PIK3AP1: variants seen among roughly 807,000 people sequenced by gnomAD.
PIK3AP1 encodes phosphoinositide-3-kinase adaptor protein 1.
A neutral mutation model predicts 88.1 loss-of-function variants in PIK3AP1; 21 were observed. That is an observed-to-expected ratio of 0.24 (90% CI 0.17 to 0.34). The LOEUF is 0.34. PIK3AP1 is among the 10% of genes least tolerant of loss of function. The pLI, the probability that PIK3AP1 is intolerant of heterozygous loss-of-function variation, is 1.00. For synonymous variants in PIK3AP1, 398 were observed against 400.0 expected, an observed-to-expected ratio of 1.00 and a Z score of 0.06; for missense variants, 828 against 1,035.7, an observed-to-expected ratio of 0.80 and a Z score of 2.75.
At chr10:96,717,355 AG>A (rs1451784902) in intron 1 of PIK3AP1, among the ~76,000 whole-genome samples, 3 of 152,008 alleles carry the variant, frequency 2.0e-5, no homozygotes. Context: ...TTCAGCCTAT[AG>A]GTGACTCTGG....
chr10:96,663,404 T>C (rs936690047), intron 2 of PIK3AP1, among the ~76,000 whole-genome samples: 2 of 151,718 alleles, frequency 1.3e-5, no homozygotes, highest in East Asian at 3.9e-4. Flanking sequence ...TTGAGGCAGG[T>C]GGATCACCTG....
At chr10:96,598,040 T>C (rs1356427686) in intron 16 of PIK3AP1, among the ~76,000 whole-genome samples, 61 of 118,150 alleles carry the variant, frequency 5.2e-4, no homozygotes, top group African/African-American at 1.6e-3. Context: ...TTTGTTTTTT[T>C]GTTGTTTTTT....
intron 6 of PIK3AP1, 110 bp downstream of exon 6, chr10:96,651,138 G>A: frequency 7.1e-7 from 1 of 1,404,590 alleles, no homozygotes; most frequent in Non-Finnish European, 9.9e-7. Flanking sequence ...TATAGAGAAG[G>A]GACCCAGAAG....
intron 2 of PIK3AP1, among the ~76,000 whole-genome samples, chr10:96,707,231 T>A (rs1844376309): frequency 6.6e-6 from 1 of 152,212 alleles, no homozygotes; most frequent in Non-Finnish European, 1.5e-5. Context: ...ACTGGACACA[T>A]CCAAACAATA....
intron 8 of PIK3AP1, among the ~76,000 whole-genome samples, chr10:96,644,994 A>G (rs578180323): frequency 4.5e-4 from 68 of 150,936 alleles, no homozygotes; most frequent in African/African-American, 1.6e-3. Flanking sequence ...TCTGCATCTG[A>G]CTCTTTTGTC....
intron 1 of PIK3AP1, among the ~76,000 whole-genome samples, chr10:96,717,768 T>C (rs1419744649): frequency 6.6e-6 from 1 of 152,144 alleles, no homozygotes; most frequent in African/African-American, 2.4e-5. Flanking sequence ...CTTTCCTCTC[T>C]CTCACGTGTA....
chr10:96,657,016 A>G, intron 2 of PIK3AP1, 82 bp from the exon 3 acceptor site: 1 of 1,430,652 alleles, frequency 7.0e-7, no homozygotes, highest in South Asian at 1.2e-5. Context: ...AGCCCCAAAT[A>G]TTGCAAAATA....
chr10:96,663,128 G>T (rs921211328), intron 2 of PIK3AP1, among the ~76,000 whole-genome samples: 1 of 152,022 alleles, frequency 6.6e-6, no homozygotes, highest in Non-Finnish European at 1.5e-5. Context: ...GGTTGCTTTG[G>T]GCTGGGGAGA....
At chr10:96,649,954 C>T (rs1198197047) in intron 6 of PIK3AP1, among the ~76,000 whole-genome samples, 6 of 152,122 alleles carry the variant, frequency 3.9e-5, no homozygotes, top group Admixed American at 2.0e-4. Context: ...TTTTCATAAA[C>T]GTTTATTTTT....
At chr10:96,612,108 G>A (rs1030938749) in intron 13 of PIK3AP1, among the ~76,000 whole-genome samples, 10 of 152,180 alleles carry the variant, frequency 6.6e-5, no homozygotes, top group African/African-American at 2.4e-4. Flanking sequence ...GAGGCACAGA[G>A]TGGTTAAAGG....
chr10:96,624,357 C>A (rs944750117), intron 10 of PIK3AP1, among the ~76,000 whole-genome samples: 2 of 152,182 alleles, frequency 1.3e-5, no homozygotes, highest in Admixed American at 1.3e-4. Context: ...TGCTAGTTAA[C>A]CCAAGGGATG....
At chr10:96,632,109 T>G (rs1332551279) in intron 8 of PIK3AP1, among the ~76,000 whole-genome samples, 2 of 152,004 alleles carry the variant, frequency 1.3e-5, no homozygotes, top group Non-Finnish European at 2.9e-5. Flanking sequence ...TTCAAAAGTA[T>G]CGAGACAAGG....
chr10:96,623,002 C>T (rs1485250680), intron 11 of PIK3AP1, among the ~76,000 whole-genome samples: 1 of 152,170 alleles, frequency 6.6e-6, no homozygotes, highest in Admixed American at 6.5e-5. Flanking sequence ...CTACTTTCAT[C>T]CTGTTGGCAT....
chr10:96,623,627 G>T, intron 10 of PIK3AP1, 90 bp from the exon 11 acceptor site: 1 of 1,123,998 alleles, frequency 8.9e-7, no homozygotes, highest in Non-Finnish European at 1.3e-6. Flanking sequence ...TAGGACCACC[G>T]TATGTGGTTC....
intron 2 of PIK3AP1, among the ~76,000 whole-genome samples, chr10:96,702,302 C>T (rs1844307567): frequency 6.6e-6 from 1 of 152,092 alleles, no homozygotes; most frequent in African/African-American, 2.4e-5. Context: ...ACATCGAGAC[C>T]ATCCTGGCCA....
At chr10:96,662,476 G>C (rs1205219981) in intron 2 of PIK3AP1, among the ~76,000 whole-genome samples, 2 of 151,896 alleles carry the variant, frequency 1.3e-5, no homozygotes, top group Non-Finnish European at 2.9e-5. Context: ...GGTGGTGGGC[G>C]CCTGTATTCT....
At chr10:96,651,717 T>C (rs201576409) in intron 4 of PIK3AP1, 66 bp from the exon 5 acceptor site, 3 of 1,556,038 alleles carry the variant, frequency 1.9e-6, no homozygotes, top group Non-Finnish European at 2.6e-6. Context: ...AAAGTGGCTG[T>C]GGATATACAC....
chr10:96,611,391 A>C (rs193015675), intron 13 of PIK3AP1, among the ~76,000 whole-genome samples: 75 of 151,964 alleles, frequency 4.9e-4, no homozygotes, highest in African/African-American at 1.7e-3. Flanking sequence ...TCACTCTCAT[A>C]TGGGTAGCCC....
chr10:96,620,583 T>C, intron 11 of PIK3AP1, 26 bp from the exon 12 acceptor site: 4 of 1,606,236 alleles, frequency 2.5e-6, no homozygotes, highest in Non-Finnish European at 3.4e-6. Context: ...AAACTCAGCT[T>C]GACAGCTCCC....
Sources: allele counts gnomAD v4.1 joint callset (sites outside exome capture counted in the v4.1 genomes callset), GRCh38; gene constraint gnomAD v4.1.1; transcripts MANE v1.5; gene names NCBI Gene and HGNC (gene_info 2026-07-23, HGNC 2026-07-21).